Variants in MMP28 observed in about 807,000 individuals in gnomAD.
MMP28 encodes matrix metallopeptidase 28.
MMP28 carries 55 observed loss-of-function variants against 60.5 expected under a neutral mutation model. That is an observed-to-expected ratio of 0.91 (90% confidence interval 0.73 to 1.14). The LOEUF (loss-of-function observed/expected upper bound fraction) is 1.14. MMP28 is among the 50% of genes most tolerant of loss of function. The pLI is 0.00. For missense variants in MMP28, 686 were observed against 738.3 expected (o/e 0.93, Z 0.82); for synonymous variants, 318 against 312.5 (o/e 1.02, Z -0.18).
At chr17:35,758,974 T>G (rs2085771244) in intron 2 of MMP28, among the ~76,000 whole-genome samples, 1 of 152,162 alleles carries the variant, frequency 6.6e-6, no homozygotes, top group Non-Finnish European at 1.5e-5. Context: ...TAGATGTGCC[T>G]GCCAGGGGCA....
chr17:35,795,296 C>G lies in MMP28; in HGVS notation c.82G>C (p.Gly28Arg), dbSNP rs201598708. ...GCCTCCTTGCGCAGCTCCTGGCCTC[C>G]GCGCTCCGCGGGCTGGGCGTCCAGG... ...GHLDAQPAER[G>R]GQELRKEAEA... The change falls in exon 1 of 8, where the codon GGA becomes CGA. Residue 28 changes from glycine (G) to arginine (R), a missense_variant. Coordinates refer to ENST00000605424, the MANE Select transcript of MMP28 (RefSeq NM_024302.5). 2.6e-3 allele frequency: 3,872 copies of G among 1,464,198 alleles called. 7 individuals carry two copies. Among genetic ancestry groups the G allele is most frequent in the Non-Finnish European group, 3.2e-3 (3,587 of 1,108,030 alleles). The allele number at this position is 1,464,198 out of a possible 1,614,324, so 90.7% of individuals were successfully genotyped here. A position where few individuals can be genotyped will look rare whatever the true frequency, so the allele number is the denominator to read the frequency against.
downstream of MMP28, chr17:35,764,189 C>A: frequency 6.5e-7 from 1 of 1,548,086 alleles, no homozygotes; most frequent in Non-Finnish European, 8.7e-7. Flanking sequence ...CCGCGAGCGG[C>A]GCTCAGTGTC....
At chr17:35,794,906 C>T (rs1347187657) in intron 1 of MMP28, among the ~76,000 whole-genome samples, 2 of 152,232 alleles carry the variant, frequency 1.3e-5, no homozygotes, top group Admixed American at 6.5e-5. Context: ...CAAACTGAGG[C>T]TTCCACACGG....
chr17:35,778,577 T>C (rs956885205), intron 3 of MMP28: 3 of 471,138 alleles, frequency 6.4e-6, no homozygotes, highest in African/African-American at 3.9e-5. Context: ...TCAGTAAATA[T>C]AAATGAAAAA....
chr17:35,778,476 G>A (rs1323445040), intron 3 of MMP28: 1 of 261,950 alleles, frequency 3.8e-6, no homozygotes, highest in Non-Finnish European at 7.4e-6. Flanking sequence ...TCAATAAAGT[G>A]GTTAAAAATA....
At chr17:35,776,305 G>A (rs2086328645) in intron 3 of MMP28, among the ~76,000 whole-genome samples, 1 of 151,932 alleles carries the variant, frequency 6.6e-6, no homozygotes, top group Non-Finnish European at 1.5e-5. Context: ...CCGAGTATCT[G>A]GGATTACAGG....
In MMP28 at chr17:35,779,332, G is replaced by C; in HGVS notation, c.112-9C>G. The stretch of plus-strand genomic sequence containing the variant: ...TACTTCTCTAGGAATGCCTGCGGGA[G>C]AGAGGAATATCTGCTTTTTCCATAG... On this transcript the variant is annotated splice_polypyrimidine_tract_variant and intron_variant, in intron 1 of 7. Transcript: ENST00000605424. 1 of 1,608,600 alleles carries C rather than the reference G, an allele frequency of 6.2e-7. No individual in the cohort carries two copies. The highest frequency in any genetic ancestry group is 8.5e-7 in the Non-Finnish European group (1 of 1,177,144).
intron 1 of MMP28, among the ~76,000 whole-genome samples, chr17:35,781,538 C>A (rs2086503220): frequency 6.6e-6 from 1 of 152,200 alleles, no homozygotes; most frequent in Non-Finnish European, 1.5e-5. Flanking sequence ...GGAAGCTGTT[C>A]TCTCAGTAAT....
chr17:35,773,550 C>T (rs2086236819), intron 3 of MMP28, 146 bp from the exon 4 acceptor site: 2 of 702,656 alleles, frequency 2.8e-6, no homozygotes, highest in Non-Finnish European at 4.7e-6. Context: ...CTGGGCAGCT[C>T]CCCCTTTGAC....
chr17:35,763,903 A>G (rs1555602022), downstream of MMP28: 1 of 769,158 alleles, frequency 1.3e-6, no homozygotes. Context: ...TCTCAAAATA[A>G]ATAAATAAAT....
chr17:35,795,260 G>T lies in MMP28; in HGVS notation c.111+7C>A. 7.1e-7 allele frequency: 1 copy of T among 1,408,474 alleles called. No individual in the cohort carries two copies. The highest frequency in any genetic ancestry group is 9.3e-7 in the Non-Finnish European group (1 of 1,079,070). 87.2% of individuals were successfully genotyped at this position (1,408,474 alleles called of 1,614,324 possible). A position where few individuals can be genotyped will look rare whatever the true frequency, so the allele number is the denominator to read the frequency against. On this transcript the variant is annotated splice_region_variant and intron_variant, in intron 1 of 7. Coordinates refer to ENST00000605424, the MANE Select transcript of MMP28 (RefSeq NM_024302.5). ...GCACCGCTCTCCGCCAGGTACACACGGCGTACCTCCGCCTCCTTGCGCAGC... is the reference window on the plus strand; with the variant it reads ...GCACCGCTCTCCGCCAGGTACACACTGCGTACCTCCGCCTCCTTGCGCAGC...
chr17:35,756,303 G>C (rs2085737144), exon 3 of MMP28: 2 of 611,384 alleles, frequency 3.3e-6, no homozygotes. Context: ...TCCAAAGTAG[G>C]CAAGTGGCTC....
At chr17:35,782,825 T>C (rs2086544533) in intron 1 of MMP28, among the ~76,000 whole-genome samples, 1 of 152,150 alleles carries the variant, frequency 6.6e-6, no homozygotes, top group African/African-American at 2.4e-5. Flanking sequence ...AATTATTTTT[T>C]TTTTTAATTT....
chr17:35,761,097 GA>G, downstream of MMP28: 6 of 608,874 alleles, frequency 9.9e-6, no homozygotes, highest in African/African-American at 4.3e-5. Context: ...TCGCCTTCCT[GA>G]ATTTTTTTTT....
chr17:35,764,180 C>A, downstream of MMP28: 1 of 1,548,322 alleles, frequency 6.5e-7, no homozygotes, highest in Non-Finnish European at 8.7e-7. Flanking sequence ...GGGCGAAGGC[C>A]GCGAGCGGCG....
chr17:35,784,110 G>A (rs764697130), intron 1 of MMP28, among the ~76,000 whole-genome samples: 10 of 151,952 alleles, frequency 6.6e-5, no homozygotes, highest in Non-Finnish European at 1.5e-4. Flanking sequence ...GTGAAACCCC[G>A]TCTCTACTAA....
downstream of MMP28, chr17:35,763,894 C>G (rs1171267740): frequency 9.5e-6 from 5 of 524,376 alleles, no homozygotes; most frequent in East Asian, 3.7e-4. Context: ...GAGACCCTGT[C>G]TCAAAATAAA....
intron 1 of MMP28, among the ~76,000 whole-genome samples, chr17:35,780,784 G>A (rs941971571): frequency 1.3e-5 from 2 of 151,454 alleles, no homozygotes; most frequent in Non-Finnish European, 1.5e-5. Flanking sequence ...GTAGTGAGCC[G>A]AGATCACGCA....
chr17:35,773,548 CT>C (rs2086236729), intron 3 of MMP28, 144 bp from the exon 4 acceptor site: 3 of 729,692 alleles, frequency 4.1e-6, no homozygotes, highest in Non-Finnish European at 6.7e-6. Flanking sequence ...CCCTGGGCAG[CT>C]CCCCCTTTGA....
Sources: allele counts gnomAD v4.1 joint callset (sites outside exome capture counted in the v4.1 genomes callset), GRCh38; gene constraint gnomAD v4.1.1; transcripts MANE v1.5; gene names NCBI Gene and HGNC (gene_info 2026-07-23, HGNC 2026-07-21).